The following STK3 variants were observed in gnomAD, a reference collection of about 807,000 sequenced individuals.
STK3 encodes serine/threonine-protein kinase 3.
Under a neutral mutation model 58.0 loss-of-function variants are expected in STK3, and 41 were observed. The ratio of observed to expected loss-of-function variants is 0.71; its 90% CI spans 0.55 to 0.92. The LOEUF (loss-of-function observed/expected upper bound fraction) is 0.92, where lower values mean the gene tolerates loss of function less well. STK3 is among the 40% of genes least tolerant of loss of function. STK3 has a pLI of 0.00. For missense variants in STK3, 479 were observed against 602.7 expected (o/e 0.79, Z 2.15); for synonymous variants, 170 against 191.0 (o/e 0.89, Z 0.91).
At chr8:98,517,155 C>T (rs182647865) in intron 10 of STK3, among the ~76,000 whole-genome samples, 110 of 152,090 alleles carry the variant, frequency 7.2e-4, no homozygotes, top group Non-Finnish European at 6.2e-4. Flanking sequence ...CTATGAGAAA[C>T]AACATTAGTT....
At chr8:98,358,421 G>C in the STK3 span, among the ~76,000 whole-genome samples, 1 of 152,188 alleles carries the variant, frequency 6.6e-6, no homozygotes, top group South Asian at 2.1e-4. Flanking sequence ...CAGTAGGCTT[G>C]TGCTTTATCC....
At chr8:98,413,538 G>A in intron 3 of STK3, 1 of 650,950 alleles carries the variant, frequency 1.5e-6, no homozygotes, top group East Asian at 3.5e-5. Flanking sequence ...TACTTCAACT[G>A]TGACATCATC....
Position 98,499,919 on chromosome 8 carries a change from G to A in STK3, c.1317+26823C>T, listed in dbSNP as rs569831720. ...GATACTGGGATGGGGTGAATATTTT[G>A]CATGTGAGATAGATGTAAATCCTTG... On this transcript the variant is annotated intron_variant, in intron 10 of 10. Transcript: ENST00000419617. 5.3e-5 allele frequency among the ~76,000 whole-genome samples: 8 copies of A among 152,240 alleles called. No individual in the cohort carries two copies. In the South Asian group the frequency reaches 8.3e-4, roughly 16 times the overall value.
At chr8:98,929,337 G>A (rs747739904) in intron 1 of STK3, among the ~76,000 whole-genome samples, 3 of 152,078 alleles carry the variant, frequency 2.0e-5, no homozygotes, top group Non-Finnish European at 4.4e-5. Flanking sequence ...TCACACAGCT[G>A]ATGAGTAACA....
rs1838302278 is a variant in STK3, at chr8:98,893,472, A to ATG, written c.-78-9639_-78-9638insCA. Among the ~76,000 whole-genome samples the ATG allele has an allele frequency of 3.5e-5, 3 of 86,234 alleles. No individual in the cohort carries two copies. In the East Asian group the frequency reaches 1.1e-3, roughly 31 times the overall value. The allele number at this position is 86,234 out of a possible 152,430, so 56.6% of individuals were successfully genotyped here. On this transcript the variant is annotated intron_variant, in intron 1 of 1. Coordinates refer to the STK3 transcript ENST00000519420. The stretch of plus-strand genomic sequence containing the variant: ...AAAGAAAGAAAGAAAGAAAGAAAGA[A>ATG]AGAAAGAAAGAAAGAGAAAGAAAGA...
intron 1 of STK3, among the ~76,000 whole-genome samples, chr8:98,916,438 C>A (rs1839352452): frequency 6.6e-6 from 1 of 152,106 alleles, no homozygotes. Flanking sequence ...AACAAACAAA[C>A]AAACAAAAAA....
At chr8:98,762,708 G>A (rs1830705652) in intron 3 of STK3, among the ~76,000 whole-genome samples, 1 of 152,232 alleles carries the variant, frequency 6.6e-6, no homozygotes, top group South Asian at 2.1e-4. Flanking sequence ...GATATGAAAA[G>A]TTCCTTCTCT....
At chr8:98,815,074 T>C (rs1322526022) in intron 1 of STK3, among the ~76,000 whole-genome samples, 1 of 152,246 alleles carries the variant, frequency 6.6e-6, no homozygotes. Context: ...ATCTGAAATA[T>C]TTAGTGGTGA....
chr8:98,782,006 A>G, intron 1 of STK3: 1 of 160,176 alleles, frequency 6.2e-6, no homozygotes, highest in South Asian at 1.7e-4. Flanking sequence ...GATAAAAAAT[A>G]AAATATTTGC....
chr8:98,392,820 G>A (rs1477994967), upstream of STK3, among the ~76,000 whole-genome samples: 1 of 152,212 alleles, frequency 6.6e-6, no homozygotes, highest in African/African-American at 2.4e-5. Context: ...ACCTCTTCAT[G>A]GGTTGGCACT....
At chr8:98,643,219 C>G (rs888545128) in intron 6 of STK3, among the ~76,000 whole-genome samples, 2 of 151,858 alleles carry the variant, frequency 1.3e-5, no homozygotes, top group African/African-American at 4.8e-5. Flanking sequence ...ACAGAGAGCT[C>G]AAAAAATAAA....
chr8:98,524,968 T>C (rs2094547239), intron 10 of STK3, among the ~76,000 whole-genome samples: 1 of 152,242 alleles, frequency 6.6e-6, no homozygotes, highest in African/African-American at 2.4e-5. Flanking sequence ...AAAGATTAAC[T>C]GAAGCAAAGT....
At chr8:98,382,579 G>A (rs954002679) in intron 1 of STK3, among the ~76,000 whole-genome samples, 2 of 149,332 alleles carry the variant, frequency 1.3e-5, no homozygotes, top group Non-Finnish European at 2.9e-5. Context: ...GGGGGAGCCT[G>A]CTTTTTTAGC....
intron 1 of STK3, among the ~76,000 whole-genome samples, chr8:98,782,970 T>C (rs761205288): frequency 4.0e-5 from 6 of 149,736 alleles, no homozygotes; most frequent in Non-Finnish European, 7.4e-5. Flanking sequence ...CACAGATGCA[T>C]CAAATTCAAC....
chr8:98,434,225 G>A lies in STK3; in HGVS notation n.385C>T, dbSNP rs560252299. The A allele has an allele frequency of 1.3e-4, 20 of 152,396 alleles. No homozygotes were observed. In the East Asian group the frequency reaches 3.5e-3, roughly 26 times the overall value. 9.4% of individuals were successfully genotyped at this position (152,396 alleles called of 1,614,324 possible). A position where few individuals can be genotyped will look rare whatever the true frequency, so the allele number is the denominator to read the frequency against. On this transcript the variant is annotated non_coding_transcript_exon_variant, in exon 3 of 4. Transcript: ENST00000517832. ...CTTGCCCCGCACTCGTTAAGGCTGA[G>A]GAAGGACGCACAGCACTGCTCTCCA...
chr8:98,357,741 A>G, the STK3 span, among the ~76,000 whole-genome samples: 9 of 152,226 alleles, frequency 5.9e-5, no homozygotes, highest in Non-Finnish European at 8.8e-5. Flanking sequence ...CAAGGCCCAC[A>G]GGAGTTGACC....
intron 8 of STK3, among the ~76,000 whole-genome samples, chr8:98,575,255 C>T (rs1813303019): frequency 2.6e-5 from 4 of 151,708 alleles, no homozygotes; most frequent in African/African-American, 9.7e-5. Context: ...AGTTTTAAAA[C>T]ATAACCATAA....
At chr8:98,541,804 T>C (rs1487558984) in intron 9 of STK3, among the ~76,000 whole-genome samples, 2 of 152,234 alleles carry the variant, frequency 1.3e-5, no homozygotes, top group African/African-American at 2.4e-5. Flanking sequence ...ACCTTGAAGT[T>C]TAGCAATGCT....
chr8:98,939,319 A>G (rs1840309570), intron 1 of STK3, among the ~76,000 whole-genome samples: 1 of 152,178 alleles, frequency 6.6e-6, no homozygotes, highest in African/African-American at 2.4e-5. Context: ...CTCAAACTTT[A>G]CCATGCATCA....
Sources: allele counts gnomAD v4.1 joint callset (sites outside exome capture counted in the v4.1 genomes callset), GRCh38; gene constraint gnomAD v4.1.1; transcripts MANE v1.5; gene names NCBI Gene and HGNC (gene_info 2026-07-23, HGNC 2026-07-21).